HMCN2: variants seen among roughly 807,000 people sequenced by gnomAD.
The protein encoded by HMCN2 is hemicentin 2.
In HMCN2, 325 loss-of-function variants were observed where a neutral mutation model predicts 377.5. That is an observed-to-expected ratio of 0.86 (90% CI 0.79 to 0.94). HMCN2 has a LOEUF of 0.94. Among genes scored for constraint, HMCN2 ranks in the 40% least tolerant of loss-of-function variants. The pLI, the probability that HMCN2 is intolerant of heterozygous loss-of-function variation, is 0.00. For missense variants in HMCN2, 4,543 were observed against 4,725.3 expected (o/e 0.96, Z 1.13); for synonymous variants, 2,007 against 2,046.8 (o/e 0.98, Z 0.53).
Position 130,396,295 on chromosome 9 carries a change from T to G in HMCN2, c.11180T>G (p.Leu3727Arg), listed in dbSNP as rs1235598693. The G allele has an allele frequency of 7.8e-7, 1 of 1,273,914 alleles. No homozygotes were observed. The highest frequency in any genetic ancestry group is 5.7e-5 in the East Asian group (1 of 17,516). The allele number at this position is 1,273,914 out of a possible 1,614,324, so 78.9% of individuals were successfully genotyped here. Residue 3727 changes from leucine (L) to arginine (R), a missense_variant, in exon 73 of 98, where the codon CTG (leucine) becomes CGG (arginine). Around this residue, in one of 5 missense-constraint regions of HMCN2, gnomAD observed 1,073 missense variants for 1,319.5 expected, o/e 0.81. Coordinates refer to ENST00000683500, the MANE Select transcript of HMCN2 (RefSeq NM_001291815.2). ...AGCTGGCGGAAGGACAGGGTCCCCC[T>G]GGATCCCAGGAGCCCCAGGTGGGAG... is the stretch of plus-strand genomic sequence containing the variant. ...LVSWRKDRVPLDPRSPRFEIL... is the reference protein window; with the variant it reads ...LVSWRKDRVPRDPRSPRFEIL...
At chr9:130,426,749 TA>T (rs534920534) in intron 90 of HMCN2, among the ~76,000 whole-genome samples, 3,478 of 147,200 alleles carry the variant, frequency 0.024, 62 homozygotes, top group Admixed American at 0.053. Flanking sequence ...AACATTATGA[TA>T]TTTTTTGTGA....
intron 59 of HMCN2, among the ~76,000 whole-genome samples, chr9:130,385,058 G>C (rs1177345235): frequency 6.6e-6 from 1 of 152,218 alleles, no homozygotes; most frequent in Non-Finnish European, 1.5e-5. Context: ...GTGGTCTTCA[G>C]AATCCTCTTG....
chr9:130,337,734 T>G, intron 22 of HMCN2, among the ~76,000 whole-genome samples, 160 bp from the exon 23 acceptor site: 1 of 119,676 alleles, frequency 8.4e-6, no homozygotes, highest in African/African-American at 3.3e-5. Flanking sequence ...CCTGGCCTGG[T>G]GGTTCAGGGA....
At chr9:130,328,355 G>A (rs1838257852) in intron 22 of HMCN2, among the ~76,000 whole-genome samples, 1 of 152,160 alleles carries the variant, frequency 6.6e-6, no homozygotes, top group South Asian at 2.1e-4. Flanking sequence ...AGCTCCCCTA[G>A]AAAGCCCGGT....
chr9:130,292,507 C>T (rs782100563), intron 4 of HMCN2, among the ~76,000 whole-genome samples: 4 of 152,250 alleles, frequency 2.6e-5, no homozygotes, highest in African/African-American at 9.6e-5. Flanking sequence ...CAATTTCTGT[C>T]GAAAAGGCAC....
At chr9:130,324,044 A>G (rs1837991697) in intron 19 of HMCN2, among the ~76,000 whole-genome samples, 1 of 152,220 alleles carries the variant, frequency 6.6e-6, no homozygotes, top group South Asian at 2.1e-4. Context: ...CATAACGTGT[A>G]TCATTTGACG....
intron 32 of HMCN2, 104 bp from the exon 33 acceptor site, chr9:130,355,642 G>T (rs914114370): frequency 1.4e-5 from 8 of 584,926 alleles, no homozygotes; most frequent in Admixed American, 9.4e-5. Context: ...AGACGTGAGG[G>T]TGAGGTGCAG....
chr9:130,390,277 G>A (rs1021945375), intron 62 of HMCN2, among the ~76,000 whole-genome samples: 13 of 140,200 alleles, frequency 9.3e-5, no homozygotes, highest in Non-Finnish European at 1.2e-4. Flanking sequence ...CAAGTTCCCC[G>A]GCTCCATCAG....
intron 73 of HMCN2, 91 bp from the exon 74 acceptor site, chr9:130,397,437 G>A: frequency 8.5e-7 from 1 of 1,179,954 alleles, no homozygotes; most frequent in Non-Finnish European, 1.1e-6. Flanking sequence ...CACTGGGAAA[G>A]TGGGGGCAGA....
chr9:130,430,218 C>A (rs1844654074), intron 94 of HMCN2, 66 bp from the exon 95 acceptor site: 1 of 1,302,194 alleles, frequency 7.7e-7, no homozygotes, highest in Non-Finnish European at 1.0e-6. Flanking sequence ...CAGGGCCAGG[C>A]AATGGCTGCA....
chr9:130,430,542 T>G lies in HMCN2; in HGVS notation c.14585T>G (p.Leu4862Arg). ...WVSLRPGPMA[L>R]SSVGRAWCPP... ...TCTCTCCGTCCGGGTCCCATGGCCC[T>G]GAGCAGTGTGGGCCGGGCCTGGTGC... The change falls in exon 95 of 98, where the codon CTG (leucine) becomes CGG (arginine). Residue 4862 changes from leucine to arginine, a missense_variant. Coordinates refer to ENST00000683500, the MANE Select transcript of HMCN2 (RefSeq NM_001291815.2). The G allele has an allele frequency of 6.4e-7, 1 of 1,550,576 alleles. No individual in the cohort carries two copies. The highest frequency in any genetic ancestry group is 8.7e-7 in the Non-Finnish European group (1 of 1,146,956).
chr9:130,300,667 G>A (rs111759189), intron 8 of HMCN2, among the ~76,000 whole-genome samples: 2,168 of 152,388 alleles, frequency 0.014, 37 homozygotes, highest in African/African-American at 0.035. Flanking sequence ...GGGCCCTCCA[G>A]TGTGGCAGCT....
chr9:130,323,504 CT>C (rs1323105934), intron 19 of HMCN2, among the ~76,000 whole-genome samples: 7 of 152,186 alleles, frequency 4.6e-5, no homozygotes, highest in African/African-American at 1.7e-4. Flanking sequence ...GTTAAATTAG[CT>C]TTTGTGCTGA....
chr9:130,428,638 C>A lies in HMCN2; in HGVS notation c.14197+149C>A. 1 of 1,186,946 alleles carries A rather than the reference C, an allele frequency of 8.4e-7. No individual in the cohort carries two copies. The highest frequency in any genetic ancestry group is 1.2e-6 in the Non-Finnish European group (1 of 865,892). 73.5% of individuals were successfully genotyped at this position (1,186,946 alleles called of 1,614,324 possible). A position where few individuals can be genotyped will look rare whatever the true frequency, so the allele number is the denominator to read the frequency against. ...AGAAGGAGTACAGCAAGGCTGGGGA[C>A]AAAGCCTGCGCCAGGCTCTGGAGGT... On this transcript the variant is annotated intron_variant, in intron 93 of 97. Coordinates refer to ENST00000683500, the MANE Select transcript of HMCN2 (RefSeq NM_001291815.2). The surrounding 1 kb of genome is among the most constrained non-coding windows in gnomAD (Gnocchi z 5.0).
Position 130,309,913 on chromosome 9 carries a change from G to A in HMCN2, c.2202G>A (p.Gly734=), listed in dbSNP as rs1554938336. ...GATGCTTCTTCCTCTTTGGTCCAGG[G>A]GGTCTTGAAATGATCCTGGCCCCTG... ...VPPPRVIWYR[G]GLEMILAPEG... The change falls in exon 15 of 98, where the codon GGG becomes GGA. Residue 734 remains glycine (G), a splice_region_variant and synonymous_variant. Coordinates refer to ENST00000683500, the MANE Select transcript of HMCN2 (RefSeq NM_001291815.2). The A allele has an allele frequency of 8.0e-6, 4 of 498,588 alleles. No homozygotes were observed. Among genetic ancestry groups the A allele is most frequent in the Non-Finnish European group, 1.2e-5 (3 of 242,298 alleles). The allele number at this position is 498,588 out of a possible 1,614,324, so 30.9% of individuals were successfully genotyped here. A position where few individuals can be genotyped will look rare whatever the true frequency, so the allele number is the denominator to read the frequency against.
chr9:130,278,270 G>C (rs1292525373), intron 1 of HMCN2, among the ~76,000 whole-genome samples: 3 of 151,374 alleles, frequency 2.0e-5, no homozygotes, highest in Admixed American at 6.6e-5. Flanking sequence ...GACTACAGGC[G>C]CCCACCACCA....
chr9:130,371,653 C>T (rs1841026966), intron 46 of HMCN2, among the ~76,000 whole-genome samples: 1 of 152,250 alleles, frequency 6.6e-6, no homozygotes. Flanking sequence ...ATTGGTTGTT[C>T]CACGCAGCCC....
chr9:130,355,205 G>T (rs1839961923), intron 32 of HMCN2, among the ~76,000 whole-genome samples, 161 bp downstream of exon 32: 1 of 152,206 alleles, frequency 6.6e-6, no homozygotes, highest in Non-Finnish European at 1.5e-5. Context: ...TGAGGCCTGG[G>T]CTGTGGGGCC....
rs1842466984 is a variant in HMCN2 at position 130,393,959 on chromosome 9, CG to C, written c.10453del (p.Val3485Ter). Reference sequence around the variant, plus strand: ...ACTCGGGGACCTACTCCTGTGTGGCCGTGAGCGAGGCGGGGGAAGCCAGGAG... The same window carrying C: ...ACTCGGGGACCTACTCCTGTGTGGCCTGAGCGAGGCGGGGGAAGCCAGGAG... ...GDSGTYSCVA[V>X]SEAGEARRHF... On this transcript the variant is annotated frameshift_variant, in exon 68 of 98. Transcript: ENST00000683500. LOFTEE classifies it high-confidence loss of function. The surrounding 1 kb of genome is among the most constrained non-coding windows in gnomAD (Gnocchi z 5.2). 1 of 1,285,430 alleles carries C rather than the reference CG, an allele frequency of 7.8e-7. No individual in the cohort carries two copies. The highest frequency in any genetic ancestry group is 2.3e-5 in the Admixed American group (1 of 42,944). The allele number at this position is 1,285,430 out of a possible 1,614,324, so 79.6% of individuals were successfully genotyped here.
Sources: allele counts gnomAD v4.1 joint callset (sites outside exome capture counted in the v4.1 genomes callset), GRCh38; gene constraint gnomAD v4.1.1; regional missense constraint gnomAD v4.1.1; non-coding constraint Gnocchi (gnomAD v3.1); transcripts MANE v1.5; gene names NCBI Gene and HGNC (gene_info 2026-07-23, HGNC 2026-07-21).